Variants in ALPK3 observed in about 807,000 individuals in gnomAD.
ALPK3 encodes alpha-protein kinase 3.
A neutral mutation model predicts 140.0 loss-of-function variants in ALPK3; 102 were observed. That is an observed-to-expected ratio of 0.73 (90% confidence interval 0.62 to 0.86). The LOEUF is 0.86. Ranked by LOEUF, ALPK3 falls within the 40% of genes least tolerant of loss-of-function variation. The pLI is 0.00. For synonymous variants in ALPK3, 938 were observed against 898.5 expected, an observed-to-expected ratio of 1.04 and a Z score of -0.79; for missense variants, 2,254 against 2,208.2, an observed-to-expected ratio of 1.02 and a Z score of -0.42.
At chr15:84,863,430 C>A (rs1051627046) in intron 10 of ALPK3, 122 bp from the exon 11 acceptor site, 5 of 798,324 alleles carry the variant, frequency 6.3e-6, no homozygotes, top group Non-Finnish European at 7.9e-6. Flanking sequence ...CCCTTCCTCC[C>A]CCAGGGCTGG....
In ALPK3 at chr15:84,872,971, C is replaced by G. The variant is rs568569267; in HGVS notation, c.*4515C>G. The stretch of plus-strand genomic sequence containing the variant: ...TCTTTAGTTAAGGTCATTACTAGGC[C>G]ATATCTTAGGGGCGTCTGGCCTTTT... On this transcript the variant is annotated 3_prime_UTR_variant, in exon 14 of 14. Transcript: ENST00000258888. The G allele has an allele frequency of 6.6e-6, 1 of 152,262 alleles. No individual in the cohort carries two copies. The highest frequency in any genetic ancestry group is 2.1e-4 in the South Asian group (1 of 4,830). The allele number at this position is 152,262 out of a possible 1,614,324, so 9.4% of individuals were successfully genotyped here. A position where few individuals can be genotyped will look rare whatever the true frequency, so the allele number is the denominator to read the frequency against.
intron 12 of ALPK3, among the ~76,000 whole-genome samples, chr15:84,866,411 A>G (rs1415240556): frequency 6.6e-6 from 1 of 152,214 alleles, no homozygotes; most frequent in Non-Finnish European, 1.5e-5. Flanking sequence ...ACAGCTCAGA[A>G]GTGGTAGAGC....
chr15:84,826,100 C>T (rs1963484958), intron 2 of ALPK3, among the ~76,000 whole-genome samples: 1 of 152,142 alleles, frequency 6.6e-6, no homozygotes, highest in Non-Finnish European at 1.5e-5. Context: ...GTGGTGAAAC[C>T]ACAGCAGGAA....
At chr15:84,820,902 G>C (rs1054949522) in intron 1 of ALPK3, among the ~76,000 whole-genome samples, 3 of 152,288 alleles carry the variant, frequency 2.0e-5, no homozygotes, top group East Asian at 1.9e-4. Context: ...GGGATTATAG[G>C]CATGAGCCAC....
At chr15:84,838,638 T>TTACTATTA (rs145586317) in intron 3 of ALPK3, among the ~76,000 whole-genome samples, 1 of 139,498 alleles carries the variant, frequency 7.2e-6, no homozygotes. Context: ...ATTATTATTA[T>TTACTATTA]TGAGATGGAG....
In ALPK3 at chr15:84,868,251, A is replaced by G. The variant is rs749212010; in HGVS notation, c.4913A>G (p.Lys1638Arg). ...GCGGCCCACCCCCAAGCCAAAGCCA[A>G]AGGCTCTAAGAGTCCATCTGCTGGC... ...PEAAHPQAKAKGSKSPSAGRK... is the reference protein window; with the variant it reads ...PEAAHPQAKARGSKSPSAGRK... Residue 1638 changes from lysine (K) to arginine (R), a missense_variant, in exon 14 of 14, where the codon AAA (lysine) becomes AGA (arginine). By Grantham distance (26) the Lys-to-Arg change is conservative. Around this residue, in one of 3 missense-constraint regions of ALPK3, gnomAD observed 158 missense variants for 159.8 expected, o/e 0.99. Transcript: ENST00000258888. 1.1e-5 allele frequency: 17 copies of G among 1,614,066 alleles called. No homozygotes were observed. Among genetic ancestry groups the G allele is most frequent in the African/African-American group, 2.7e-5 (2 of 74,922 alleles).
intron 3 of ALPK3, among the ~76,000 whole-genome samples, chr15:84,838,048 G>A (rs746230407): frequency 2.5e-4 from 38 of 152,194 alleles, no homozygotes; most frequent in Non-Finnish European, 5.3e-4. Context: ...CCTCCTGTGG[G>A]TGGGCTGGAA....
chr15:84,822,650 G>C (rs1488972785), intron 1 of ALPK3, among the ~76,000 whole-genome samples: 1 of 152,188 alleles, frequency 6.6e-6, no homozygotes, highest in Non-Finnish European at 1.5e-5. Flanking sequence ...GCGGTCCTGT[G>C]TGGGTCCTCA....
At chr15:84,835,896 T>C (rs1050190661) in intron 3 of ALPK3, among the ~76,000 whole-genome samples, 1 of 152,242 alleles carries the variant, frequency 6.6e-6, no homozygotes, top group Non-Finnish European at 1.5e-5. Context: ...CCAGGGACTA[T>C]TCTAGGAACT....
In ALPK3 at chr15:84,856,265, G is replaced by C. The variant is rs1963858436; in HGVS notation, c.1654-127G>C. The stretch of plus-strand genomic sequence containing the variant: ...GCCTCCCAACTTCCAGCAGGCCTGA[G>C]AAACCAGGAGGCAAGATTCCCATCA... On this transcript the variant is annotated intron_variant, in intron 5 of 13. Transcript: ENST00000258888. The C allele has an allele frequency of 9.3e-6, 13 of 1,390,710 alleles. No individual in the cohort carries two copies. In the South Asian group the frequency reaches 1.7e-4, roughly 18 times the overall value. The allele number at this position is 1,390,710 out of a possible 1,614,324, so 86.1% of individuals were successfully genotyped here. A position where few individuals can be genotyped will look rare whatever the true frequency, so the allele number is the denominator to read the frequency against.
At chr15:84,818,667 T>C (rs1963389348) in intron 1 of ALPK3, among the ~76,000 whole-genome samples, 1 of 152,194 alleles carries the variant, frequency 6.6e-6, no homozygotes, top group Non-Finnish European at 1.5e-5. Flanking sequence ...TCCTCGTGAA[T>C]TGGCTGAGTC....
chr15:84,833,470 G>A (rs919129561), intron 3 of ALPK3, among the ~76,000 whole-genome samples: 1 of 152,178 alleles, frequency 6.6e-6, no homozygotes, highest in African/African-American at 2.4e-5. Flanking sequence ...GGTTAGACAC[G>A]GGAGCTCTCT....
rs1391533746 is a variant in ALPK3 at position 84,869,692 on chromosome 15, G to A, written c.*1236G>A. The A allele has an allele frequency of 6.5e-6, 1 of 152,678 alleles. No homozygotes were observed. Among genetic ancestry groups the A allele is most frequent in the East Asian group, 1.9e-4 (1 of 5,180 alleles). The allele number at this position is 152,678 out of a possible 1,614,324, so 9.5% of individuals were successfully genotyped here. A position where few individuals can be genotyped will look rare whatever the true frequency, so the allele number is the denominator to read the frequency against. On this transcript the variant is annotated 3_prime_UTR_variant, in exon 14 of 14. Coordinates refer to ENST00000258888, the MANE Select transcript of ALPK3 (RefSeq NM_020778.5). ...CCTCCTGGAGGCCTGGGATGGGGTA[G>A]GTCTGCAGCTAGCCTACTCCCTTTG...
At chr15:84,848,186 C>A (rs1963758686) in intron 5 of ALPK3, among the ~76,000 whole-genome samples, 1 of 151,162 alleles carries the variant, frequency 6.6e-6, no homozygotes, top group Non-Finnish European at 1.5e-5. Context: ...GGTAAATATC[C>A]TGGTAAATAT....
chr15:84,840,465 C>G lies in ALPK3; in HGVS notation c.1186C>G (p.Pro396Ala). The change falls in exon 5 of 14, where the codon CCA becomes GCA. Residue 396 changes from proline to alanine, a missense_variant. Pro to Ala is a conservative substitution (Grantham distance 27, BLOSUM62 -1). Transcript: ENST00000258888. ...TRKPASAVGTPDKAQKAPGPG... is the reference protein window; with the variant it reads ...TRKPASAVGTADKAQKAPGPG... ...GAAGCCAGCCTCTGCTGTGGGCACT[C>G]CAGACAAGGCCCAGAAGGCCCCTGG... 6.2e-7 allele frequency: 1 copy of G among 1,613,694 alleles called. No homozygotes were observed. The highest frequency in any genetic ancestry group is 8.5e-7 in the Non-Finnish European group (1 of 1,179,866).
chr15:84,839,470 C>T (rs561920874), intron 4 of ALPK3, among the ~76,000 whole-genome samples: 2 of 152,334 alleles, frequency 1.3e-5, no homozygotes, highest in East Asian at 3.9e-4. Context: ...AAGTCTAATC[C>T]CTCCTGGGAC....
At chr15:84,834,681 G>T (rs1963580432) in intron 3 of ALPK3, among the ~76,000 whole-genome samples, 1 of 152,264 alleles carries the variant, frequency 6.6e-6, no homozygotes, top group African/African-American at 2.4e-5. Context: ...TTCCAAGCTG[G>T]GTTCTTGAGT....
At chr15:84,831,327 TC>T (rs1488882003) in intron 3 of ALPK3, among the ~76,000 whole-genome samples, 1 of 152,228 alleles carries the variant, frequency 6.6e-6, no homozygotes, top group Non-Finnish European at 1.5e-5. Flanking sequence ...GATTTTATCC[TC>T]CTGTTTTCTG....
In ALPK3 at chr15:84,867,303, TTC is replaced by T. The variant is rs1305938616; in HGVS notation, c.4724-8_4724-7del. ...CCCAGACTGGCATCAACTCCCAACT[TTC>T]TCTCTTTTCAGGGGTTGACTGGAAG... On this transcript the variant is annotated splice_polypyrimidine_tract_variant and intron_variant, in intron 12 of 13. Coordinates refer to ENST00000258888, the MANE Select transcript of ALPK3 (RefSeq NM_020778.5). 1 of 1,613,486 alleles carries T rather than the reference TTC, an allele frequency of 6.2e-7. No homozygotes were observed. Among genetic ancestry groups the T allele is most frequent in the South Asian group, 1.1e-5 (1 of 91,064 alleles).
Sources: gnomAD v4.1 joint callset for allele counts (sites outside exome capture counted in the v4.1 genomes callset) on GRCh38, gnomAD v4.1.1 for gene constraint, gnomAD v4.1.1 regional missense constraint, MANE v1.5 for transcripts, NCBI Gene and HGNC (gene_info 2026-07-23, HGNC 2026-07-21) for gene names.